UNC5D: variants seen among roughly 807,000 people sequenced by gnomAD.
The protein encoded by UNC5D is unc-5 netrin receptor D.
Under a neutral mutation model 105.4 loss-of-function variants are expected in UNC5D, and 39 were observed. That is an observed-to-expected ratio of 0.37 (90% CI 0.29 to 0.48). UNC5D has a LOEUF of 0.48. Among genes scored for constraint, UNC5D ranks in the 20% least tolerant of loss-of-function variants. The probability of loss-of-function intolerance (pLI) is 0.98; values close to 1 mark genes in which losing one functional copy is unlikely to be tolerated. For synonymous variants in UNC5D, 452 were observed against 450.4 expected (o/e 1.00, Z -0.04); for missense variants, 991 against 1,202.4 (o/e 0.82, Z 2.60).
chr8:35,450,498 T>C (rs1345505430), intron 1 of UNC5D, among the ~76,000 whole-genome samples: 3 of 152,190 alleles, frequency 2.0e-5, no homozygotes, highest in African/African-American at 7.2e-5. Flanking sequence ...GCTTTTTGAC[T>C]ATGTCGAATG....
chr8:35,419,819 G>T (rs952681057), intron 1 of UNC5D, among the ~76,000 whole-genome samples: 2 of 152,140 alleles, frequency 1.3e-5, no homozygotes, highest in East Asian at 3.9e-4. Flanking sequence ...CTGTGTCCAA[G>T]AAGAATGAGG....
intron 7 of UNC5D, among the ~76,000 whole-genome samples, chr8:35,691,793 T>C (rs1023809477): frequency 2.0e-5 from 3 of 152,116 alleles, no homozygotes; most frequent in Non-Finnish European, 4.4e-5. Context: ...GGAAATAAGC[T>C]GCGCATGCCT....
intron 1 of UNC5D, among the ~76,000 whole-genome samples, chr8:35,419,505 G>T (rs1271862063): frequency 1.3e-5 from 2 of 152,214 alleles, no homozygotes; most frequent in Non-Finnish European, 2.9e-5. Context: ...AACTTGGAGA[G>T]TCCAGCAATC....
intron 1 of UNC5D, among the ~76,000 whole-genome samples, chr8:35,427,640 T>C (rs771047444): frequency 6.6e-6 from 1 of 152,202 alleles, no homozygotes; most frequent in Non-Finnish European, 1.5e-5. Context: ...TCACAGACTA[T>C]TTCAGTTCGG....
intron 8 of UNC5D, among the ~76,000 whole-genome samples, chr8:35,709,681 CTG>C (rs1300780065): frequency 2.0e-5 from 3 of 152,106 alleles, no homozygotes; most frequent in Non-Finnish European, 2.9e-5. Context: ...CAGAGCAAGA[CTG>C]TCTCAAAAAT....
intron 2 of UNC5D, among the ~76,000 whole-genome samples, chr8:35,566,498 C>T (rs1454985395): frequency 6.6e-6 from 1 of 152,128 alleles, no homozygotes; most frequent in East Asian, 1.9e-4. Context: ...ATGTATTAAC[C>T]TTATTGCCAC....
chr8:35,642,883 A>G (rs888146340), intron 4 of UNC5D, among the ~76,000 whole-genome samples: 4 of 152,206 alleles, frequency 2.6e-5, no homozygotes, highest in Non-Finnish European at 1.5e-5. Flanking sequence ...TTTTAGTTAC[A>G]AGATTGTTTT....
intron 1 of UNC5D, among the ~76,000 whole-genome samples, chr8:35,339,287 C>A (rs1347791565): frequency 6.6e-6 from 1 of 152,132 alleles, no homozygotes; most frequent in Non-Finnish European, 1.5e-5. Flanking sequence ...ACCAATCCTA[C>A]TTGTTAATAA....
At chr8:35,763,486 AT>A (rs1330556042) in intron 14 of UNC5D, among the ~76,000 whole-genome samples, 1 of 149,500 alleles carries the variant, frequency 6.7e-6, no homozygotes, top group Non-Finnish European at 1.5e-5. Flanking sequence ...ATTACCAAAG[AT>A]TCAAATCAAA....
intron 13 of UNC5D, among the ~76,000 whole-genome samples, chr8:35,757,696 C>G (rs1830576799): frequency 6.6e-6 from 1 of 152,136 alleles, no homozygotes; most frequent in Non-Finnish European, 1.5e-5. Context: ...CAACATAGCT[C>G]TGATGGAAAT....
intron 1 of UNC5D, among the ~76,000 whole-genome samples, chr8:35,399,151 A>C (rs1388923600): frequency 8.6e-5 from 13 of 150,732 alleles, no homozygotes; most frequent in African/African-American, 3.2e-4. Context: ...TCTCCAAAAA[A>C]AAAAAAAAAA....
At chr8:35,687,166 G>A (rs570898727) in intron 7 of UNC5D, among the ~76,000 whole-genome samples, 18 of 152,236 alleles carry the variant, frequency 1.2e-4, no homozygotes, top group African/African-American at 3.6e-4. Flanking sequence ...AAAATAGGCC[G>A]GGCGCAGTGG....
intron 14 of UNC5D, among the ~76,000 whole-genome samples, chr8:35,762,311 A>T (rs1784210217): frequency 6.6e-6 from 1 of 152,192 alleles, no homozygotes; most frequent in South Asian, 2.1e-4. Context: ...GAGCCTGTAT[A>T]TTGAAGGATC....
At position 35,794,789 on chromosome 8, in the gene UNC5D, A is replaced by G. The variant is rs1259687967; in HGVS notation, c.*4226A>G. The stretch of plus-strand genomic sequence containing the variant: ...AGCAATTCTAGGAGAGCCAGTGTCT[A>G]CCATGAACTCCTGACATCCCCACTC... On this transcript the variant is annotated 3_prime_UTR_variant, in exon 17 of 17. Transcript: ENST00000404895. The G allele has an allele frequency of 2.6e-5, 4 of 152,276 alleles. No individual in the cohort carries two copies. The highest frequency in any genetic ancestry group is 9.7e-5 in the African/African-American group (4 of 41,432). The allele number at this position is 152,276 out of a possible 1,614,324, so 9.4% of individuals were successfully genotyped here.
At chr8:35,520,676 T>C (rs1183271161) in intron 1 of UNC5D, among the ~76,000 whole-genome samples, 4 of 152,070 alleles carry the variant, frequency 2.6e-5, no homozygotes, top group Non-Finnish European at 4.4e-5. Context: ...TAGGGTAGTA[T>C]GTATACCCAT....
At chr8:35,390,794 T>C (rs1803721063) in intron 1 of UNC5D, among the ~76,000 whole-genome samples, 1 of 152,222 alleles carries the variant, frequency 6.6e-6, no homozygotes, top group Non-Finnish European at 1.5e-5. Context: ...TGACATGTAA[T>C]TTGGATATAA....
intron 1 of UNC5D, among the ~76,000 whole-genome samples, chr8:35,540,013 A>G (rs1261875546): frequency 3.3e-5 from 5 of 152,202 alleles, no homozygotes; most frequent in South Asian, 2.1e-4. Flanking sequence ...CTGTCATTCA[A>G]TGTTGCATTA....
At chr8:35,473,471 A>G (rs780161826) in intron 1 of UNC5D, among the ~76,000 whole-genome samples, 22 of 152,140 alleles carry the variant, frequency 1.4e-4, no homozygotes, top group Non-Finnish European at 3.1e-4. Context: ...CTTTTTTCTC[A>G]TCCACTGCAC....
chr8:35,284,129 CTA>C (rs1806405947), intron 1 of UNC5D, among the ~76,000 whole-genome samples: 1 of 152,122 alleles, frequency 6.6e-6, no homozygotes, highest in African/African-American at 2.4e-5. Flanking sequence ...CTGCATGAGA[CTA>C]TATTAAACTA....
Sources: gnomAD v4.1 joint callset for allele counts (sites outside exome capture counted in the v4.1 genomes callset) on GRCh38, gnomAD v4.1.1 for gene constraint, MANE v1.5 for transcripts, NCBI Gene and HGNC (gene_info 2026-07-23, HGNC 2026-07-21) for gene names.